The following ACSM2A variants were observed in gnomAD, a reference collection of about 807,000 sequenced individuals.
The protein encoded by ACSM2A is acyl-CoA synthetase medium chain family member 2A.
In ACSM2A, 72 loss-of-function variants were observed where a neutral mutation model predicts 76.6. The ratio of observed to expected loss-of-function variants is 0.94; its 90% CI spans 0.78 to 1.14. The LOEUF (loss-of-function observed/expected upper bound fraction) is 1.14, where lower values mean the gene tolerates loss of function less well. Among genes scored for constraint, ACSM2A ranks in the 50% most tolerant of loss-of-function variants. ACSM2A has a pLI of 0.00. For synonymous variants in ACSM2A, 249 were observed against 255.9 expected, an observed-to-expected ratio of 0.97 and a Z score of 0.26; for missense variants, 684 against 708.5, an observed-to-expected ratio of 0.97 and a Z score of 0.39.
chr16:20,472,957 C>T (rs938545606), intron 6 of ACSM2A, among the ~76,000 whole-genome samples: 15 of 152,096 alleles, frequency 9.9e-5, no homozygotes, highest in African/African-American at 3.6e-4. Context: ...GGAATTTTTT[C>T]CTGTAGAACT....
intron 12 of ACSM2A, chr16:20,481,213 C>T (rs1397189316): frequency 2.5e-5 from 10 of 402,524 alleles, no homozygotes; most frequent in African/African-American, 1.8e-4. Context: ...CCAGCAATCC[C>T]ACTACTGGGT....
chr16:20,482,779 C>G (rs934909994), intron 12 of ACSM2A: 1 of 265,994 alleles, frequency 3.8e-6, no homozygotes, highest in African/African-American at 2.2e-5. Flanking sequence ...TCTTTTCTCC[C>G]CCTGTATCTT....
chr16:20,484,824 C>A lies in ACSM2A; in HGVS notation c.1629+1647C>A, dbSNP rs139030613. Among the ~76,000 whole-genome samples, 9 of 152,242 alleles carry A rather than the reference C, an allele frequency of 5.9e-5. No individual in the cohort carries two copies. In the East Asian group the frequency reaches 1.4e-3, roughly 23 times the overall value. ...CCCTGGGAAGGAGTGTGACCTTGGA[C>A]AAGACAGCTGTCTCTGGCTGAGGCA... On this transcript the variant is annotated intron_variant, in intron 13 of 13. Transcript: ENST00000573854.
chr16:20,486,673 C>T lies in ACSM2A; in HGVS notation c.1729C>T (p.Gln577Ter), dbSNP rs202194685. The change falls in exon 14 of 14, where the codon CAG (glutamine) becomes TAG (stop). Residue 577 changes from glutamine (Q) to a stop codon, truncating the protein, a stop_gained. Coordinates refer to ENST00000573854, the MANE Select transcript of ACSM2A (RefSeq NM_001308172.2). LOFTEE classifies it high-confidence loss of function. ...EWKMSGKARAQ is the reference protein window; with the variant it reads ...EWKMSGKARA ...GAAGATGTCCGGAAAAGCCCGTGCGCAGTGAGACATCTAAGAGACATTCAT... is the reference window on the plus strand; with the variant it reads ...GAAGATGTCCGGAAAAGCCCGTGCGTAGTGAGACATCTAAGAGACATTCAT... The T allele has an allele frequency of 1.9e-5, 30 of 1,614,042 alleles. No homozygotes were observed. In the Admixed American group the frequency reaches 5.0e-4, roughly 27 times the overall value.
intron 13 of ACSM2A, 89 bp downstream of exon 13, chr16:20,483,266 T>C (rs2014196840): frequency 1.2e-5 from 18 of 1,554,856 alleles, no homozygotes; most frequent in Non-Finnish European, 1.6e-5. Flanking sequence ...AGGACAGTCC[T>C]CTAATTTTAA....
intron 6 of ACSM2A, 100 bp from the exon 7 acceptor site, chr16:20,475,262 A>G (rs2013664218): frequency 6.3e-7 from 1 of 1,592,694 alleles, no homozygotes. Context: ...TTTCATCCAG[A>G]CCTCTACAAC....
chr16:20,456,837 A>G (rs1396677893), intron 1 of ACSM2A, among the ~76,000 whole-genome samples: 3 of 151,192 alleles, frequency 2.0e-5, no homozygotes, highest in South Asian at 2.1e-4. Flanking sequence ...ATAAAAAAAT[A>G]CAAAAGATAA....
rs189705829 is a variant in ACSM2A, at chr16:20,464,457, A to C, written c.178-1060A>C. 1.8e-3 allele frequency among the ~76,000 whole-genome samples: 274 copies of C among 152,292 alleles called. 1 individual carries two copies. The highest frequency in any genetic ancestry group is 3.4e-3 in the Non-Finnish European group (230 of 68,034). Reference sequence around the variant, plus strand: ...TCTGCTTCTGATGAGGGCCTCAAGAAATTTACAGTAATGGTGGAAGATGAA... The same window carrying C: ...TCTGCTTCTGATGAGGGCCTCAAGACATTTACAGTAATGGTGGAAGATGAA... On this transcript the variant is annotated intron_variant, in intron 2 of 13. Transcript: ENST00000573854.
intron 6 of ACSM2A, chr16:20,473,889 C>G (rs767081742): frequency 1.0e-4 from 36 of 346,350 alleles, no homozygotes; most frequent in South Asian, 2.1e-4. Flanking sequence ...AAAGCTTCCT[C>G]TGCAAATAAG....
In ACSM2A at chr16:20,456,013, C is replaced by A. The variant is rs555440631; in HGVS notation, c.-8-4094C>A. ...CAGGAGTAGCTATATTTATAACAGA[C>A]AAAACAAACTTTAAAGCCACAGCAG... On this transcript the variant is annotated intron_variant, in intron 1 of 13. Coordinates refer to ENST00000573854, the MANE Select transcript of ACSM2A (RefSeq NM_001308172.2). 1.8e-3 allele frequency among the ~76,000 whole-genome samples: 263 copies of A among 149,848 alleles called. 2 individuals carry two copies. The highest frequency in any genetic ancestry group is 6.2e-3 in the African/African-American group (255 of 40,932).
chr16:20,485,888 G>A (rs1307256999), intron 13 of ACSM2A, among the ~76,000 whole-genome samples: 1 of 152,190 alleles, frequency 6.6e-6, no homozygotes, highest in African/African-American at 2.4e-5. Flanking sequence ...CCTCAATGAG[G>A]CATCTTCACC....
chr16:20,482,932 C>G, intron 12 of ACSM2A, 126 bp from the exon 13 acceptor site: 2 of 1,450,678 alleles, frequency 1.4e-6, no homozygotes, highest in Admixed American at 2.0e-5. Flanking sequence ...TTCCCTTGAC[C>G]TGGATCACCG....
intron 6 of ACSM2A, among the ~76,000 whole-genome samples, chr16:20,472,360 A>G (rs1371454776): frequency 6.6e-6 from 1 of 152,162 alleles, no homozygotes; most frequent in Non-Finnish European, 1.5e-5. Context: ...CCTTACTGCT[A>G]TATTCTCACA....
At chr16:20,468,973 A>G (rs2013195940) in intron 3 of ACSM2A, among the ~76,000 whole-genome samples, 1 of 152,218 alleles carries the variant, frequency 6.6e-6, no homozygotes, top group Admixed American at 6.5e-5. Context: ...AAAAATTATA[A>G]TACCACTTTG....
chr16:20,454,640 G>A (rs868435703), intron 1 of ACSM2A, among the ~76,000 whole-genome samples: 3 of 151,976 alleles, frequency 2.0e-5, no homozygotes, highest in Middle Eastern at 6.8e-3. Context: ...ACATCCCATG[G>A]GAAAAAAGAA....
At chr16:20,465,165 G>A (rs574893894) in intron 2 of ACSM2A, among the ~76,000 whole-genome samples, 11 of 151,938 alleles carry the variant, frequency 7.2e-5, no homozygotes, top group African/African-American at 2.4e-4. Flanking sequence ...ATAAATAGAC[G>A]CAATAAATAA....
chr16:20,486,395 C>T (rs1178401891), intron 13 of ACSM2A, among the ~76,000 whole-genome samples, 179 bp from the exon 14 acceptor site: 2 of 152,220 alleles, frequency 1.3e-5, no homozygotes, highest in African/African-American at 4.8e-5. Context: ...ATGCCCAATT[C>T]TAGCCATCCT....
chr16:20,471,966 G>C (rs183847786), intron 6 of ACSM2A, among the ~76,000 whole-genome samples: 2 of 152,322 alleles, frequency 1.3e-5, no homozygotes, highest in Admixed American at 1.3e-4. Flanking sequence ...TCTTCCGCTG[G>C]TGTCACCTAT....
intron 6 of ACSM2A, among the ~76,000 whole-genome samples, 183 bp from the exon 7 acceptor site, chr16:20,475,179 T>C (rs1567370364): frequency 6.6e-6 from 1 of 152,220 alleles, no homozygotes; most frequent in Admixed American, 6.5e-5. Flanking sequence ...TTCCCTGTTA[T>C]TTGTGTCTTC....
Sources: allele counts gnomAD v4.1 joint callset (sites outside exome capture counted in the v4.1 genomes callset), GRCh38; gene constraint gnomAD v4.1.1; transcripts MANE v1.5; gene names NCBI Gene and HGNC (gene_info 2026-07-23, HGNC 2026-07-21).